The following UBE2E2 variants were observed in gnomAD, a reference collection of about 807,000 sequenced individuals.
UBE2E2 encodes the protein ubiquitin conjugating enzyme E2 E2.
In UBE2E2, 6 loss-of-function variants were observed where a neutral mutation model predicts 24.7. The ratio of observed to expected loss-of-function variants is 0.24; its 90% CI spans 0.13 to 0.48. The LOEUF is 0.48. Among genes scored for constraint, UBE2E2 ranks in the 20% least tolerant of loss-of-function variants. The probability of loss-of-function intolerance (pLI) is 0.99; values close to 1 mark genes in which losing one functional copy is unlikely to be tolerated. For synonymous variants in UBE2E2, 104 were observed against 83.6 expected (o/e 1.24, Z -1.33); for missense variants, 169 against 245.0 (o/e 0.69, Z 2.07).
chr3:23,223,014 G>GCTCCCC (rs1696699200), intron 3 of UBE2E2, among the ~76,000 whole-genome samples: 1 of 65,562 alleles, frequency 1.5e-5, no homozygotes, highest in African/African-American at 6.7e-5. Flanking sequence ...TACATCTTTT[G>GCTCCCC]CCCCCCCCCC....
intron 3 of UBE2E2, among the ~76,000 whole-genome samples, chr3:23,436,225 G>A (rs887325207): frequency 3.9e-5 from 6 of 152,182 alleles, no homozygotes; most frequent in South Asian, 2.1e-4. Context: ...GTGTCAAAGC[G>A]GCACATGATA....
chr3:23,350,939 T>C (rs1011220195), intron 3 of UBE2E2, among the ~76,000 whole-genome samples: 1 of 152,104 alleles, frequency 6.6e-6, no homozygotes, highest in Non-Finnish European at 1.5e-5. Context: ...AATTGTCAGA[T>C]TCACCAAAGT....
At chr3:23,545,308 T>C in intron 5 of UBE2E2, among the ~76,000 whole-genome samples, 1 of 152,204 alleles carries the variant, frequency 6.6e-6, no homozygotes, top group Admixed American at 6.5e-5. Context: ...ATACCTGGCT[T>C]TCCTAGGCAG....
At chr3:23,286,781 C>A (rs776142809) in intron 3 of UBE2E2, among the ~76,000 whole-genome samples, 3 of 151,802 alleles carry the variant, frequency 2.0e-5, no homozygotes, top group Non-Finnish European at 4.4e-5. Flanking sequence ...CCAATCAATA[C>A]TGTTTTTTTG....
At chr3:23,348,006 TA>T (rs200603091) in intron 3 of UBE2E2, among the ~76,000 whole-genome samples, 1,522 of 151,668 alleles carry the variant, frequency 0.01, 31 homozygotes, top group African/African-American at 0.035. Context: ...TAAAGTATAA[TA>T]AAAAAAAGAA....
rs35098118 is a variant in UBE2E2, at chr3:23,407,949, A to G, written c.228-91659A>G. ...TGGAACCTTCTGAAATGAAATACAG[A>G]TACTTACCTTTATGTGTAATTGTGC... On this transcript the variant is annotated intron_variant, in intron 3 of 5. Coordinates refer to ENST00000396703, the MANE Select transcript of UBE2E2 (RefSeq NM_152653.4). This position sits in a 1 kb window ranked among gnomAD's most constrained non-coding sequence, Gnocchi z 4.0. Among the ~76,000 whole-genome samples the G allele has an allele frequency of 0.1, 15,436 of 151,630 alleles. 920 individuals are homozygous for G. Among genetic ancestry groups the G allele is most frequent in the East Asian group, 0.13 (668 of 5,164 alleles).
At chr3:23,249,270 T>TG (rs1309485811) in intron 3 of UBE2E2, among the ~76,000 whole-genome samples, 1 of 87,854 alleles carries the variant, frequency 1.1e-5, no homozygotes, top group East Asian at 3.1e-4. Flanking sequence ...AGACCCTGTC[T>TG]CAAAAAAAAA....
chr3:23,480,640 A>AT (rs916360862), intron 3 of UBE2E2, among the ~76,000 whole-genome samples: 57 of 149,854 alleles, frequency 3.8e-4, no homozygotes, highest in African/African-American at 1.4e-3. Flanking sequence ...GAAAAAAAAA[A>AT]AAAAAAGAAG....
At chr3:23,256,798 T>TCA (rs1697733977) in intron 3 of UBE2E2, among the ~76,000 whole-genome samples, 1 of 152,226 alleles carries the variant, frequency 6.6e-6, no homozygotes, top group Non-Finnish European at 1.5e-5. Flanking sequence ...GTCCTTGCTC[T>TCA]CACACACGCA....
chr3:23,267,022 A>G, intron 3 of UBE2E2, among the ~76,000 whole-genome samples: 1 of 152,144 alleles, frequency 6.6e-6, no homozygotes, highest in Non-Finnish European at 1.5e-5. Flanking sequence ...CAAAGACACA[A>G]CATACCAGAA....
chr3:23,383,262 A>G (rs1440732353), intron 3 of UBE2E2, among the ~76,000 whole-genome samples: 1 of 152,042 alleles, frequency 6.6e-6, no homozygotes, highest in Non-Finnish European at 1.5e-5. Flanking sequence ...AGCTGTGGAC[A>G]TACTGGATTT....
At chr3:23,417,411 TTCCTCTGGAAGCTTCA>T in intron 3 of UBE2E2, among the ~76,000 whole-genome samples, 1 of 152,318 alleles carries the variant, frequency 6.6e-6, no homozygotes, top group Non-Finnish European at 1.5e-5. Flanking sequence ...TGCCTGTTCC[TTCCTCTGGAAGCTTCA>T]TCCCAGAGGG....
At chr3:23,374,292 A>G (rs1163798265) in intron 3 of UBE2E2, among the ~76,000 whole-genome samples, 2 of 152,218 alleles carry the variant, frequency 1.3e-5, no homozygotes, top group Non-Finnish European at 2.9e-5. Context: ...AAAAACAGAG[A>G]TATTGGTTTT....
At chr3:23,358,600 A>T (rs1330782553) in intron 3 of UBE2E2, among the ~76,000 whole-genome samples, 1 of 152,250 alleles carries the variant, frequency 6.6e-6, no homozygotes, top group African/African-American at 2.4e-5. Context: ...TTAAATTCAT[A>T]TACTGGTCTA....
At chr3:23,341,042 T>C (rs144002302) in intron 3 of UBE2E2, among the ~76,000 whole-genome samples, 89 of 152,324 alleles carry the variant, frequency 5.8e-4, no homozygotes, top group Admixed American at 1.3e-3. Context: ...TGAATGTTTC[T>C]TTTGAAATGC....
intron 3 of UBE2E2, among the ~76,000 whole-genome samples, chr3:23,221,142 T>C (rs1696625365): frequency 6.6e-6 from 1 of 152,192 alleles, no homozygotes; most frequent in Non-Finnish European, 1.5e-5. Flanking sequence ...TATTTGGATT[T>C]TGATTTTTGG....
chr3:23,235,542 C>T (rs1047174864), intron 3 of UBE2E2, among the ~76,000 whole-genome samples: 1 of 152,006 alleles, frequency 6.6e-6, no homozygotes, highest in African/African-American at 2.4e-5. Context: ...TTATTAAGAT[C>T]AGTCTGGTTG....
chr3:23,515,650 A>T (rs767048104), intron 4 of UBE2E2, among the ~76,000 whole-genome samples: 12 of 152,134 alleles, frequency 7.9e-5, no homozygotes, highest in Admixed American at 2.0e-4. Context: ...TTAAGAACAT[A>T]TAAAAGTGGT....
At chr3:23,355,067 A>G (rs1234205854) in intron 3 of UBE2E2, among the ~76,000 whole-genome samples, 2 of 152,050 alleles carry the variant, frequency 1.3e-5, no homozygotes, top group Non-Finnish European at 2.9e-5. Context: ...TGATGAGTTC[A>G]TGTCCTTTGT....
Sources: allele counts gnomAD v4.1 joint callset (sites outside exome capture counted in the v4.1 genomes callset), GRCh38; gene constraint gnomAD v4.1.1; non-coding constraint Gnocchi (gnomAD v3.1); transcripts MANE v1.5; gene names NCBI Gene and HGNC (gene_info 2026-07-23, HGNC 2026-07-21).